The following CCSER1 variants were observed in gnomAD, a reference collection of about 807,000 sequenced individuals.
The protein encoded by CCSER1 is coiled-coil serine rich protein 1.
A neutral mutation model predicts 82.0 loss-of-function variants in CCSER1; 41 were observed. That is an observed-to-expected ratio of 0.50 (90% CI 0.39 to 0.65). The LOEUF (loss-of-function observed/expected upper bound fraction) is 0.65, where lower values mean the gene tolerates loss of function less well. Among genes scored for constraint, CCSER1 ranks in the 30% least tolerant of loss-of-function variants. CCSER1 has a pLI of 0.00. For synonymous variants in CCSER1, 414 were observed against 383.9 expected, an observed-to-expected ratio of 1.08 and a Z score of -0.92; for missense variants, 1,119 against 1,064.2, an observed-to-expected ratio of 1.05 and a Z score of -0.72.
At chr4:90,346,616 T>A (rs1460077419) in intron 3 of CCSER1, among the ~76,000 whole-genome samples, 1 of 152,116 alleles carries the variant, frequency 6.6e-6, no homozygotes, top group Non-Finnish European at 1.5e-5. Context: ...GATGAAATTT[T>A]ATTTGAAAGC....
At chr4:91,544,550 G>A (rs1281865550) in intron 10 of CCSER1, among the ~76,000 whole-genome samples, 1 of 152,186 alleles carries the variant, frequency 6.6e-6, no homozygotes, top group South Asian at 2.1e-4. Flanking sequence ...CTCAGCTGCA[G>A]GTCTGTTGGA....
chr4:90,393,287 TTGAC>T (rs1045494728), intron 3 of CCSER1, among the ~76,000 whole-genome samples: 3 of 152,168 alleles, frequency 2.0e-5, no homozygotes, highest in East Asian at 1.9e-4. Context: ...ACAGGGAAGT[TTGAC>T]TGAGGATCTT....
rs1561384770 is a variant in CCSER1, at chr4:90,932,968, A to AAGAAAGAAAGAG, written c.2172+9532_2172+9533insGAGAAAGAAAGA. Among the ~76,000 whole-genome samples the AAGAAAGAAAGAG allele has an allele frequency of 4.5e-5, 2 of 44,126 alleles. 1 individual carries two copies. The highest frequency in any genetic ancestry group is 9.7e-4 in the East Asian group (2 of 2,068). The allele number at this position is 44,126 out of a possible 152,430, so 28.9% of individuals were successfully genotyped here. On this transcript the variant is annotated intron_variant, in intron 9 of 10. Transcript: ENST00000509176. ...AAAGAAAGAAAGAAAGAAAGAAAGA[A>AAGAAAGAAAGAG]AGAAAGAAAGAAAGAGAAAGAAAGA...
intron 10 of CCSER1, among the ~76,000 whole-genome samples, chr4:91,501,913 A>G (rs1194593446): frequency 6.6e-6 from 1 of 152,230 alleles, no homozygotes; most frequent in Non-Finnish European, 1.5e-5. Flanking sequence ...TTCTTAAGTA[A>G]GCACAATTGA....
chr4:90,909,119 C>T (rs1222857489), intron 8 of CCSER1, among the ~76,000 whole-genome samples: 3 of 152,140 alleles, frequency 2.0e-5, no homozygotes, highest in Non-Finnish European at 4.4e-5. Flanking sequence ...GTAGATGGAT[C>T]TACACTTTCT....
chr4:90,748,824 A>G (rs999315838), intron 7 of CCSER1, among the ~76,000 whole-genome samples: 4 of 149,992 alleles, frequency 2.7e-5, no homozygotes, highest in Non-Finnish European at 5.9e-5. Context: ...TTTTGGCTGC[A>G]TAAATGTCTT....
At chr4:91,179,254 T>C (rs1208372209) in intron 10 of CCSER1, among the ~76,000 whole-genome samples, 2 of 152,204 alleles carry the variant, frequency 1.3e-5, no homozygotes, top group Non-Finnish European at 2.9e-5. Flanking sequence ...TCATTTCAAC[T>C]TTGGTGAATC....
At chr4:91,062,741 C>T (rs1302971225) in intron 9 of CCSER1, among the ~76,000 whole-genome samples, 1 of 152,116 alleles carries the variant, frequency 6.6e-6, no homozygotes, top group Non-Finnish European at 1.5e-5. Flanking sequence ...TGGTCCTGGA[C>T]TCTTCATTTG....
intron 1 of CCSER1, among the ~76,000 whole-genome samples, chr4:90,256,964 A>G (rs1260666155): frequency 1.3e-5 from 2 of 152,090 alleles, no homozygotes; most frequent in African/African-American, 4.8e-5. Context: ...TACCATATAT[A>G]TGTATGTATA....
rs112192037 is a variant in CCSER1 at position 90,694,797 on chromosome 4, GGTGTGTGTGT to G, written c.1933-29096_1933-29087del. ...TTCTCAATGCACGATGTGTGTGTGG[GGTGTGTGTGT>G]GTGTGTGTGTGTGTGTGTGTTTTAG... On this transcript the variant is annotated intron_variant, in intron 6 of 10. Coordinates refer to ENST00000509176, the MANE Select transcript of CCSER1 (RefSeq NM_001145065.2). Among the ~76,000 whole-genome samples the G allele has an allele frequency of 6.9e-5, 10 of 145,364 alleles. No homozygotes were observed. The South Asian group carries it at 1.3e-3, about 19-fold the overall frequency.
intron 10 of CCSER1, among the ~76,000 whole-genome samples, chr4:91,466,630 T>A (rs1245937127): frequency 6.6e-6 from 1 of 152,178 alleles, no homozygotes; most frequent in Non-Finnish European, 1.5e-5. Context: ...AAAATCTCCT[T>A]AAGCTGATAA....
intron 6 of CCSER1, among the ~76,000 whole-genome samples, chr4:90,631,734 T>C (rs1724477943): frequency 6.6e-6 from 1 of 152,048 alleles, no homozygotes; most frequent in African/African-American, 2.4e-5. Flanking sequence ...AATCTGAAAA[T>C]CCAAAATCCA....
At chr4:90,724,908 C>T (rs1743355336) in intron 7 of CCSER1, 1 of 339,246 alleles carries the variant, frequency 2.9e-6, no homozygotes, top group Admixed American at 3.7e-5. Flanking sequence ...TTCATATATT[C>T]AATATTGCTG....
At chr4:91,332,910 A>G (rs1747056528) in intron 10 of CCSER1, among the ~76,000 whole-genome samples, 1 of 152,142 alleles carries the variant, frequency 6.6e-6, no homozygotes, top group Middle Eastern at 3.4e-3. Context: ...TGGCCACATA[A>G]GTAACATTAT....
Position 90,806,971 on chromosome 4 carries a change from T to G in CCSER1, c.2011-8791T>G, listed in dbSNP as rs562184381. On this transcript the variant is annotated intron_variant, in intron 7 of 10. Transcript: ENST00000509176. Reference sequence around the variant, plus strand: ...GAGAACCAACTTGTGACATTTTATTTTATGAATAAAATTAACTTTTCTTAA... The same window carrying G: ...GAGAACCAACTTGTGACATTTTATTGTATGAATAAAATTAACTTTTCTTAA... Among the ~76,000 whole-genome samples the G allele has an allele frequency of 8.5e-5, 13 of 152,246 alleles. No homozygotes were observed. In the South Asian group the frequency reaches 2.7e-3, roughly 32 times the overall value.
chr4:90,354,590 C>T (rs62312890), intron 3 of CCSER1, among the ~76,000 whole-genome samples: 2 of 152,010 alleles, frequency 1.3e-5, no homozygotes, highest in East Asian at 1.9e-4. Flanking sequence ...TCATATTGTA[C>T]ACCTTAAATT....
At chr4:91,448,032 A>C (rs1755665780) in intron 10 of CCSER1, among the ~76,000 whole-genome samples, 1 of 152,088 alleles carries the variant, frequency 6.6e-6, no homozygotes, top group Non-Finnish European at 1.5e-5. Flanking sequence ...AATTTAGCAA[A>C]GTTTTACATA....
intron 3 of CCSER1, among the ~76,000 whole-genome samples, chr4:90,363,010 A>G (rs114698426): frequency 0.015 from 2,219 of 152,234 alleles, 73 homozygotes; most frequent in African/African-American, 0.05. Flanking sequence ...TTTATTAAAC[A>G]TTTAATGTTG....
intron 6 of CCSER1, among the ~76,000 whole-genome samples, chr4:90,717,448 C>T (rs1164673685): frequency 1.3e-5 from 2 of 152,088 alleles, no homozygotes; most frequent in East Asian, 1.9e-4. Context: ...GACTAAAGTA[C>T]AAGGGGTAGT....
Sources: gnomAD v4.1 joint callset for allele counts (sites outside exome capture counted in the v4.1 genomes callset) on GRCh38, gnomAD v4.1.1 for gene constraint, MANE v1.5 for transcripts, NCBI Gene and HGNC (gene_info 2026-07-23, HGNC 2026-07-21) for gene names.